The following SESN1 variants were observed in gnomAD, a reference collection of about 807,000 sequenced individuals.
The protein encoded by SESN1 is sestrin-1.
A neutral mutation model predicts 59.3 loss-of-function variants in SESN1; 30 were observed. The ratio of observed to expected loss-of-function variants is 0.51; its 90% CI spans 0.38 to 0.69. SESN1 has a LOEUF of 0.69. Ranked by LOEUF, SESN1 falls within the 30% of genes least tolerant of loss-of-function variation. The pLI is 0.00. For missense variants in SESN1, 566 were observed against 673.0 expected, an observed-to-expected ratio of 0.84 and a Z score of 1.76; for synonymous variants, 197 against 219.9, an observed-to-expected ratio of 0.90 and a Z score of 0.92.
chr6:109,068,195 G>C (rs1780867730), intron 1 of SESN1, among the ~76,000 whole-genome samples: 3 of 152,144 alleles, frequency 2.0e-5, no homozygotes, highest in Admixed American at 2.0e-4. Flanking sequence ...TTTGTAGACA[G>C]TCCTTTTTCT....
At chr6:108,996,394 C>A (rs1018256573) in intron 5 of SESN1, among the ~76,000 whole-genome samples, 1 of 151,962 alleles carries the variant, frequency 6.6e-6, no homozygotes. Context: ...GAGTCAGTAA[C>A]CAAATAAAAA....
chr6:109,034,505 G>A (rs1321390396), intron 1 of SESN1, among the ~76,000 whole-genome samples: 10 of 152,046 alleles, frequency 6.6e-5, no homozygotes, highest in African/African-American at 9.7e-5. Flanking sequence ...GATCAGCATC[G>A]TAGAAATGTG....
chr6:109,078,436 C>G (rs986398825), intron 1 of SESN1, among the ~76,000 whole-genome samples: 2 of 151,982 alleles, frequency 1.3e-5, no homozygotes, highest in African/African-American at 4.8e-5. Context: ...ATAATCCCTG[C>G]TGTTTGATAT....
chr6:109,022,569 C>T (rs1196352940), intron 1 of SESN1, among the ~76,000 whole-genome samples: 2 of 151,454 alleles, frequency 1.3e-5, no homozygotes, highest in Admixed American at 6.6e-5. Context: ...CCACCACGCC[C>T]GGCTAATTTT....
intron 1 of SESN1, among the ~76,000 whole-genome samples, chr6:109,037,367 C>T (rs554579606): frequency 2.0e-5 from 3 of 152,194 alleles, no homozygotes; most frequent in Admixed American, 1.3e-4. Flanking sequence ...CATTATTAGG[C>T]CGTAGAAACC....
chr6:109,009,244 C>G, intron 1 of SESN1: 1 of 1,018,216 alleles, frequency 9.8e-7, no homozygotes, highest in African/African-American at 1.7e-5. Flanking sequence ...TTTTCGGATG[C>G]TGACCGGGAG....
intron 1 of SESN1, among the ~76,000 whole-genome samples, chr6:109,029,422 C>T (rs929510247): frequency 6.6e-6 from 1 of 152,160 alleles, no homozygotes; most frequent in African/African-American, 2.4e-5. Context: ...AAATCTTTTT[C>T]TTGAGTGTAA....
rs79832046 is a variant in SESN1, at chr6:109,001,303, G to C, written c.531C>G (p.His177Gln). 6.2e-7 allele frequency: 1 copy of C among 1,613,596 alleles called. No homozygotes were observed. ...GTTTACAAACCATTATTCCAATGTA[G>C]TGACGATAATGTAGGGGTAACGGCC... ...MDGPLPLHYR[H>Q]YIGIMAAARH... The change falls in exon 3 of 10, where the codon CAC (histidine) becomes CAG (glutamine). Residue 177 changes from histidine (H) to glutamine (Q), a missense_variant. His to Gln is a conservative substitution (Grantham distance 24). Transcript: ENST00000436639.
intron 8 of SESN1, among the ~76,000 whole-genome samples, chr6:108,989,203 A>G (rs1205697063): frequency 6.6e-6 from 1 of 152,048 alleles, no homozygotes. Context: ...GGGTATCACC[A>G]TATTGGCCAG....
At chr6:109,016,875 T>A (rs1779934608) in intron 1 of SESN1, among the ~76,000 whole-genome samples, 1 of 152,194 alleles carries the variant, frequency 6.6e-6, no homozygotes, top group African/African-American at 2.4e-5. Flanking sequence ...CATTTTTATT[T>A]TCTGGCAAAT....
intron 1 of SESN1, among the ~76,000 whole-genome samples, chr6:109,065,034 C>T (rs1055898168): frequency 1.3e-5 from 2 of 152,070 alleles, no homozygotes; most frequent in African/African-American, 2.4e-5. Context: ...GGTTACCTGT[C>T]ACATAAGAAA....
At position 108,988,239 on chromosome 6, in the gene SESN1, T is replaced by C. The variant is rs77256180; in HGVS notation, c.1569+304A>G. Reference sequence around the variant, plus strand: ...CATTATTCAGTAATTTCTATAAAGATGTTTCAAAGAGAACAGACACTTCTA... The same window carrying C: ...CATTATTCAGTAATTTCTATAAAGACGTTTCAAAGAGAACAGACACTTCTA... On this transcript the variant is annotated intron_variant, in intron 9 of 9. Coordinates refer to ENST00000436639, the MANE Select transcript of SESN1 (RefSeq NM_014454.3). 5.9e-3 allele frequency: 1,282 copies of C among 216,660 alleles called. 23 individuals are homozygous for C. Among genetic ancestry groups the C allele is most frequent in the African/African-American group, 0.027 (1,206 of 44,216 alleles). The allele number at this position is 216,660 out of a possible 1,614,324, so 13.4% of individuals were successfully genotyped here.
chr6:109,065,405 AG>A (rs1780806991), intron 1 of SESN1, among the ~76,000 whole-genome samples: 1 of 152,222 alleles, frequency 6.6e-6, no homozygotes, highest in Non-Finnish European at 1.5e-5. Context: ...CAATATTAAA[AG>A]AAGTAACAAT....
At position 109,001,551 on chromosome 6, in the gene SESN1, T is replaced by C. The variant is rs1779625876; in HGVS notation, c.346-63A>G. 6.0e-6 allele frequency: 8 copies of C among 1,339,704 alleles called. No homozygotes were observed. The South Asian group carries it at 7.4e-5, about 12-fold the overall frequency. 83.0% of individuals were successfully genotyped at this position (1,339,704 alleles called of 1,614,324 possible). ...AAATTGGTGTTAAGGGAAGAAAATA[T>C]ACATGCGCTACACTCTAAGTATCAT... On this transcript the variant is annotated intron_variant, in intron 2 of 9. Coordinates refer to ENST00000436639, the MANE Select transcript of SESN1 (RefSeq NM_014454.3).
intron 1 of SESN1, among the ~76,000 whole-genome samples, chr6:109,012,283 C>T (rs1042294987): frequency 1.5e-4 from 22 of 150,864 alleles, no homozygotes; most frequent in Non-Finnish European, 2.7e-4. Flanking sequence ...CGCTCTGTCG[C>T]CCAGGCTGGA....
intron 4 of SESN1, among the ~76,000 whole-genome samples, chr6:108,999,718 C>G (rs1779574541): frequency 6.6e-6 from 1 of 152,134 alleles, no homozygotes; most frequent in Admixed American, 6.6e-5. Flanking sequence ...TTTACAGTTT[C>G]TTACAAAGGT....
At chr6:109,089,537 C>T (rs1270518619) in intron 1 of SESN1, among the ~76,000 whole-genome samples, 2 of 152,110 alleles carry the variant, frequency 1.3e-5, no homozygotes, top group Non-Finnish European at 2.9e-5. Context: ...ACAGCGGTAT[C>T]GGGGGCAGAA....
intron 1 of SESN1, among the ~76,000 whole-genome samples, chr6:109,063,205 C>T (rs1780760291): frequency 1.3e-5 from 2 of 151,618 alleles, no homozygotes; most frequent in African/African-American, 2.4e-5. Flanking sequence ...AGGGTAGAGA[C>T]ACACCTCTAT....
intron 1 of SESN1, among the ~76,000 whole-genome samples, chr6:109,005,726 A>G: frequency 6.6e-6 from 1 of 152,168 alleles, no homozygotes; most frequent in East Asian, 1.9e-4. Flanking sequence ...TAGCCTCCAA[A>G]TTGAAGAGTC....
Sources: allele counts gnomAD v4.1 joint callset (sites outside exome capture counted in the v4.1 genomes callset), GRCh38; gene constraint gnomAD v4.1.1; transcripts MANE v1.5; gene names NCBI Gene and HGNC (gene_info 2026-07-23, HGNC 2026-07-21).